Variants in GRM4 observed in about 807,000 individuals in gnomAD.
GRM4 encodes metabotropic glutamate receptor 4.
In GRM4, 28 loss-of-function variants were observed where a neutral mutation model predicts 81.7. The observed-to-expected ratio is 0.34, with a 90% CI of 0.25 to 0.47. GRM4 has a LOEUF of 0.47. GRM4 is among the 20% of genes least tolerant of loss of function. The probability of loss-of-function intolerance (pLI) is 1.00; values close to 1 mark genes in which losing one functional copy is unlikely to be tolerated. For synonymous variants in GRM4, 488 were observed against 528.8 expected (o/e 0.92, Z 1.06); for missense variants, 948 against 1,290.0 (o/e 0.73, Z 4.06).
intron 2 of GRM4, among the ~76,000 whole-genome samples, chr6:34,095,637 C>A (rs551119537): frequency 1.3e-5 from 2 of 152,190 alleles, no homozygotes; most frequent in South Asian, 2.1e-4. Context: ...TCCCGCTAAA[C>A]CTCCTCTGGC....
intron 3 of GRM4, among the ~76,000 whole-genome samples, chr6:34,077,269 G>A (rs34386472): frequency 0.061 from 9,305 of 152,128 alleles, 652 homozygotes; most frequent in African/African-American, 0.17. Flanking sequence ...GGATTTGCCC[G>A]AGGCTGACCA....
rs185634929 is a variant in GRM4 at position 34,042,917 on chromosome 6, C to T, written c.1169-2169G>A. Among the ~76,000 whole-genome samples the T allele has an allele frequency of 3.0e-3, 450 of 152,302 alleles. 1 individual carries two copies. Among genetic ancestry groups the T allele is most frequent in the African/African-American group, 0.01 (419 of 41,558 alleles). On this transcript the variant is annotated intron_variant, in intron 6 of 10. Transcript: ENST00000538487. The surrounding 1 kb of genome is among the most constrained non-coding windows in gnomAD (Gnocchi z 4.2). ...GGGGATGGGGGATAGCTGGCCTGGT[C>T]GCTCATTAACCCTGCCAGCCAGAAC...
At chr6:34,093,722 C>T (rs1483131568) in intron 2 of GRM4, among the ~76,000 whole-genome samples, 1 of 152,180 alleles carries the variant, frequency 6.6e-6, no homozygotes, top group Non-Finnish European at 1.5e-5. Context: ...TGAGGGTCCA[C>T]CCTCCCCTGA....
intron 2 of GRM4, among the ~76,000 whole-genome samples, chr6:34,112,472 G>A (rs898139402): frequency 5.3e-5 from 8 of 152,290 alleles, no homozygotes; most frequent in African/African-American, 9.6e-5. Flanking sequence ...ACCCTCCTGA[G>A]GTGGGAGAGA....
intron 6 of GRM4, among the ~76,000 whole-genome samples, chr6:34,050,888 A>G (rs1765581557): frequency 6.6e-6 from 1 of 152,240 alleles, no homozygotes; most frequent in Non-Finnish European, 1.5e-5. Flanking sequence ...ACTGAGCCCA[A>G]CACAGAGCTG....
In GRM4 at chr6:34,080,756, C is replaced by T. The variant is rs1767540979; in HGVS notation, c.736+11127G>A. Among the ~76,000 whole-genome samples, 1 of 152,006 alleles carries T rather than the reference C, an allele frequency of 6.6e-6. No individual in the cohort carries two copies. Among genetic ancestry groups the T allele is most frequent in the Admixed American group, 6.6e-5 (1 of 15,232 alleles). On this transcript the variant is annotated intron_variant, in intron 3 of 10. Coordinates refer to ENST00000538487, the MANE Select transcript of GRM4 (RefSeq NM_000841.4). This position sits in a 1 kb window ranked among gnomAD's most constrained non-coding sequence, Gnocchi z 5.4. ...CACTTTCAGAAAGGGGCCGTCACAG[C>T]TCATACTTGGTCACGCAGGAGTCAC...
exon 1 of GRM4, chr6:34,155,563 T>C (rs1293640301): frequency 6.1e-6 from 3 of 491,498 alleles, no homozygotes; most frequent in Non-Finnish European, 1.1e-5. Flanking sequence ...TCTCGCCATG[T>C]TGCCCAGGCT....
chr6:34,093,172 C>G (rs1755756054), intron 2 of GRM4, among the ~76,000 whole-genome samples: 1 of 152,210 alleles, frequency 6.6e-6, no homozygotes, highest in Admixed American at 6.5e-5. Context: ...AACCTGTGGC[C>G]AGACTTCAGG....
chr6:34,029,895 G>A (rs759860291), intron 9 of GRM4, among the ~76,000 whole-genome samples: 1 of 152,246 alleles, frequency 6.6e-6, no homozygotes, highest in Non-Finnish European at 1.5e-5. Context: ...CCGAGGGGAA[G>A]GAGGCCGAGA....
At chr6:34,026,653 G>A (rs1051355822) in intron 10 of GRM4, among the ~76,000 whole-genome samples, 3 of 152,122 alleles carry the variant, frequency 2.0e-5, no homozygotes, top group African/African-American at 7.2e-5. Flanking sequence ...ATTGTCCCAT[G>A]TTCCCAGGTG....
At chr6:34,095,088 G>A (rs562369994) in intron 2 of GRM4, among the ~76,000 whole-genome samples, 5 of 152,338 alleles carry the variant, frequency 3.3e-5, no homozygotes, top group Non-Finnish European at 4.4e-5. Flanking sequence ...AGGGTGGGGG[G>A]CCAAGCATGT....
intron 3 of GRM4, among the ~76,000 whole-genome samples, chr6:34,081,966 C>T (rs1198541177): frequency 6.6e-6 from 1 of 152,150 alleles, no homozygotes; most frequent in Non-Finnish European, 1.5e-5. Flanking sequence ...TGAGCAGGGC[C>T]GCAGGCTTCA....
chr6:34,030,495 C>A (rs925849309), intron 9 of GRM4, among the ~76,000 whole-genome samples: 1 of 152,198 alleles, frequency 6.6e-6, no homozygotes, highest in African/African-American at 2.4e-5. Flanking sequence ...CGAGGGCCAG[C>A]GTCCTGGGTT....
intron 2 of GRM4, among the ~76,000 whole-genome samples, chr6:34,108,869 C>T (rs1187785718): frequency 2.0e-5 from 3 of 152,088 alleles, no homozygotes; most frequent in African/African-American, 7.2e-5. Flanking sequence ...ACCTCCCGTC[C>T]TGTACCGGTG....
intron 1 of GRM4, among the ~76,000 whole-genome samples, chr6:34,154,417 AATTCCGAGGC>A (rs1307429685): frequency 6.6e-6 from 1 of 152,080 alleles, no homozygotes; most frequent in African/African-American, 2.4e-5. Flanking sequence ...CCTAGTCCAG[AATTCCGAGGC>A]ATCCCGCTCA....
Position 34,098,362 on chromosome 6 carries a change from C to A in GRM4, c.520-6263G>T, listed in dbSNP as rs374196337. ...GAGCTGCTCCGGCCCATGTTCCCAC[C>A]CTCCTGGGCATGCCCTCCAGGCCTC... On this transcript the variant is annotated intron_variant, in intron 2 of 10. Transcript: ENST00000538487. 7.2e-5 allele frequency among the ~76,000 whole-genome samples: 11 copies of A among 152,312 alleles called. No homozygotes were observed. The East Asian group carries it at 1.5e-3, about 21-fold the overall frequency.
intron 6 of GRM4, among the ~76,000 whole-genome samples, chr6:34,046,290 G>A (rs1765358858): frequency 6.6e-6 from 1 of 152,174 alleles, no homozygotes; most frequent in African/African-American, 2.4e-5. Context: ...ACACATGCAT[G>A]CTCTAACACA....
intron 9 of GRM4, among the ~76,000 whole-genome samples, chr6:34,033,418 G>A (rs1764529632): frequency 6.6e-6 from 1 of 152,078 alleles, no homozygotes; most frequent in Non-Finnish European, 1.5e-5. Flanking sequence ...ATGGGGGGGT[G>A]CTCCTAAGTT....
chr6:34,072,925 TACAC>T (rs1190306519), intron 3 of GRM4, among the ~76,000 whole-genome samples: 6 of 6,222 alleles, frequency 9.6e-4, no homozygotes, highest in African/African-American at 2.5e-3. Context: ...CACAGATACA[TACAC>T]ACAATCACCA....
Sources: allele counts gnomAD v4.1 joint callset (sites outside exome capture counted in the v4.1 genomes callset), GRCh38; gene constraint gnomAD v4.1.1; non-coding constraint Gnocchi (gnomAD v3.1); transcripts MANE v1.5; gene names NCBI Gene and HGNC (gene_info 2026-07-23, HGNC 2026-07-21).